SRGAP1: variants seen among roughly 807,000 people sequenced by gnomAD.
The protein encoded by SRGAP1 is SLIT-ROBO Rho GTPase activating protein 1.
In SRGAP1, 43 loss-of-function variants were observed where a neutral mutation model predicts 121.9. The ratio of observed to expected loss-of-function variants is 0.35; its 90% confidence interval spans 0.28 to 0.46. The LOEUF (loss-of-function observed/expected upper bound fraction) is 0.46, where lower values mean the gene tolerates loss of function less well. Among genes scored for constraint, SRGAP1 ranks in the 20% least tolerant of loss-of-function variants. SRGAP1 has a pLI of 1.00. For synonymous variants in SRGAP1, 447 were observed against 485.4 expected (o/e 0.92, Z 1.04); for missense variants, 1,102 against 1,350.9 (o/e 0.82, Z 2.89).
chr12:63,949,631 T>G (rs2032223500), intron 1 of SRGAP1, among the ~76,000 whole-genome samples: 1 of 151,778 alleles, frequency 6.6e-6, no homozygotes, highest in Non-Finnish European at 1.5e-5. Context: ...GTTTCACCGT[T>G]TTAGCCAGGA....
At chr12:63,891,299 G>A (rs184834617) in intron 1 of SRGAP1, among the ~76,000 whole-genome samples, 8 of 152,342 alleles carry the variant, frequency 5.3e-5, no homozygotes, top group Non-Finnish European at 1.0e-4. Flanking sequence ...TGTCCTACGG[G>A]TGTGCCCAGT....
intron 15 of SRGAP1, 57 bp downstream of exon 15, chr12:64,097,432 C>T: frequency 6.3e-7 from 1 of 1,587,150 alleles, no homozygotes. Flanking sequence ...AGCTAACTTC[C>T]TGGAAAAGGC....
chr12:64,065,719 G>A (rs1047223793), intron 8 of SRGAP1, among the ~76,000 whole-genome samples: 2 of 152,116 alleles, frequency 1.3e-5, no homozygotes, highest in Non-Finnish European at 1.5e-5. Flanking sequence ...GGCCCACAGT[G>A]TGCCATGTTA....
At chr12:64,092,803 A>G (rs2036079508) in intron 12 of SRGAP1, among the ~76,000 whole-genome samples, 2 of 152,222 alleles carry the variant, frequency 1.3e-5, no homozygotes, top group South Asian at 4.1e-4. Flanking sequence ...AAAAGCTGCA[A>G]GAAGCAGACG....
At chr12:64,043,768 G>A in intron 6 of SRGAP1, 193 bp downstream of exon 6, 1 of 446,138 alleles carries the variant, frequency 2.2e-6, no homozygotes, top group Non-Finnish European at 3.9e-6. Flanking sequence ...GAAAAAGCGT[G>A]TATCCTAAAA....
chr12:64,148,718 A>G lies in SRGAP1; in HGVS notation c.*6046A>G, dbSNP rs2136662301. On this transcript the variant is annotated 3_prime_UTR_variant, in exon 22 of 22. Transcript: ENST00000355086. ...ATAAAGTTTAAAAAATGACAGGCAA[A>G]TCAAGGAAAAACACTTTTTATTAAA... The G allele has an allele frequency of 2.0e-5, 3 of 152,358 alleles. No homozygotes were observed. The South Asian group carries it at 6.2e-4, about 32-fold the overall frequency. The allele number at this position is 152,358 out of a possible 1,614,324, so 9.4% of individuals were successfully genotyped here. A position where few individuals can be genotyped will look rare whatever the true frequency, so the allele number is the denominator to read the frequency against.
chr12:63,949,217 C>T (rs200216448), intron 1 of SRGAP1, among the ~76,000 whole-genome samples: 10 of 117,630 alleles, frequency 8.5e-5, no homozygotes, highest in Non-Finnish European at 1.1e-4. Context: ...ATATTTTTTC[C>T]ATATATATAT....
chr12:64,095,067 A>T, intron 13 of SRGAP1, 60 bp from the exon 14 acceptor site: 1 of 1,609,878 alleles, frequency 6.2e-7, no homozygotes, highest in Non-Finnish European at 8.5e-7. Flanking sequence ...CTTCCTGGGA[A>T]AAGAGGGACC....
At chr12:64,023,839 T>C (rs2034600412) in intron 4 of SRGAP1, among the ~76,000 whole-genome samples, 2 of 152,188 alleles carry the variant, frequency 1.3e-5, no homozygotes, top group African/African-American at 2.4e-5. Context: ...ATCTCAGGCT[T>C]ACATGTGGGA....
chr12:64,128,362 C>T (rs1218069938), intron 21 of SRGAP1, among the ~76,000 whole-genome samples, 162 bp downstream of exon 21: 1 of 152,186 alleles, frequency 6.6e-6, no homozygotes, highest in Non-Finnish European at 1.5e-5. Flanking sequence ...TTAACTTAGG[C>T]CCTGAGTCTT....
At chr12:63,861,007 C>G (rs1473376371) in intron 1 of SRGAP1, among the ~76,000 whole-genome samples, 1 of 151,652 alleles carries the variant, frequency 6.6e-6, no homozygotes, top group Non-Finnish European at 1.5e-5. Context: ...GGCCCTTTTA[C>G]TTTTCTCATG....
intron 4 of SRGAP1, among the ~76,000 whole-genome samples, chr12:64,036,564 A>G (rs1020041030): frequency 1.3e-5 from 2 of 152,162 alleles, no homozygotes; most frequent in Non-Finnish European, 2.9e-5. Flanking sequence ...ATTGTCACTA[A>G]CATACTGTTT....
intron 1 of SRGAP1, among the ~76,000 whole-genome samples, chr12:63,916,674 A>G (rs1355434288): frequency 6.6e-6 from 1 of 152,218 alleles, no homozygotes; most frequent in Non-Finnish European, 1.5e-5. Flanking sequence ...TGAATCAGGA[A>G]GAAATTCCAG....
chr12:64,114,589 G>A (rs1265767725), intron 17 of SRGAP1, among the ~76,000 whole-genome samples: 2 of 152,172 alleles, frequency 1.3e-5, no homozygotes, highest in Admixed American at 6.5e-5. Context: ...GACCTCAGGT[G>A]ATCCACCCAC....
chr12:63,883,527 G>A (rs532998028), intron 1 of SRGAP1, among the ~76,000 whole-genome samples: 1 of 152,210 alleles, frequency 6.6e-6, no homozygotes, highest in South Asian at 2.1e-4. Context: ...ATACAAAATT[G>A]TTGAACATGT....
intron 4 of SRGAP1, among the ~76,000 whole-genome samples, chr12:64,034,533 C>T (rs2034856370): frequency 6.6e-6 from 1 of 152,190 alleles, no homozygotes; most frequent in Non-Finnish European, 1.5e-5. Flanking sequence ...TCCCTCCAAT[C>T]ATGGAAAAAT....
intron 3 of SRGAP1, among the ~76,000 whole-genome samples, chr12:63,996,501 G>A (rs1227887911): frequency 2.0e-5 from 3 of 151,960 alleles, no homozygotes; most frequent in Non-Finnish European, 4.4e-5. Flanking sequence ...AATTTTGTTA[G>A]AATTTCATGT....
intron 15 of SRGAP1, among the ~76,000 whole-genome samples, chr12:64,107,414 G>A (rs2036362469): frequency 1.3e-5 from 2 of 152,282 alleles, no homozygotes; most frequent in South Asian, 4.2e-4. Context: ...AACTGAGTTA[G>A]GAGAGTATTT....
At chr12:63,920,802 C>G (rs2031009992) in intron 1 of SRGAP1, among the ~76,000 whole-genome samples, 1 of 152,036 alleles carries the variant, frequency 6.6e-6, no homozygotes, top group African/African-American at 2.4e-5. Flanking sequence ...AGGATAATAT[C>G]CTGGTTTGGG....
Sources: allele counts gnomAD v4.1 joint callset (sites outside exome capture counted in the v4.1 genomes callset), GRCh38; gene constraint gnomAD v4.1.1; transcripts MANE v1.5; gene names NCBI Gene and HGNC (gene_info 2026-07-23, HGNC 2026-07-21).